The following LCORL variants were observed in gnomAD, a reference collection of about 807,000 sequenced individuals.
LCORL encodes ligand dependent nuclear receptor corepressor like, also known as ligand-dependent nuclear receptor corepressor-like protein.
In LCORL, 41 loss-of-function variants were observed where a neutral mutation model predicts 141.8. The observed-to-expected ratio is 0.29, with a 90% CI of 0.23 to 0.38. The LOEUF is 0.38. Among genes scored for constraint, LCORL ranks in the 10% least tolerant of loss-of-function variants. The pLI is 1.00. For missense variants in LCORL, 1,759 were observed against 2,035.0 expected (o/e 0.86, Z 2.61); for synonymous variants, 618 against 694.1 (o/e 0.89, Z 1.72).
intron 7 of LCORL, among the ~76,000 whole-genome samples, chr4:17,859,197 C>T (rs6823224): frequency 0.53 from 81,014 of 151,898 alleles, 23,285 homozygotes; most frequent in East Asian, 0.78. Context: ...TTGTGTTTAA[C>T]GGTTTTGCCT....
intron 6 of LCORL, among the ~76,000 whole-genome samples, chr4:17,880,065 T>C (rs185327302): frequency 1.1e-3 from 170 of 151,182 alleles, no homozygotes; most frequent in African/African-American, 3.8e-3. Context: ...TTTTAGAGTT[T>C]TCTTATTCAA....
chr4:18,002,658 A>G (rs1049733636), intron 1 of LCORL, among the ~76,000 whole-genome samples: 3 of 152,214 alleles, frequency 2.0e-5, no homozygotes, highest in African/African-American at 7.2e-5. Flanking sequence ...GATAATTTTT[A>G]TATTAAAAAT....
chr4:17,960,111 G>C (rs537968173), intron 4 of LCORL: 1 of 153,408 alleles, frequency 6.5e-6, no homozygotes, highest in South Asian at 2.0e-4. Context: ...ATTAAATCTG[G>C]AAAGTGATGA....
At chr4:17,959,765 C>T (rs1322124656) in intron 4 of LCORL, among the ~76,000 whole-genome samples, 1 of 151,922 alleles carries the variant, frequency 6.6e-6, no homozygotes, top group African/African-American at 2.4e-5. Context: ...CTAATGCCAT[C>T]CATATCCAGG....
chr4:18,010,404 G>C (rs1351013109), intron 1 of LCORL, among the ~76,000 whole-genome samples: 1 of 151,798 alleles, frequency 6.6e-6, no homozygotes, highest in Non-Finnish European at 1.5e-5. Flanking sequence ...GTGTCTGTGT[G>C]TGTGTGTGTA....
chr4:17,912,701 G>A (rs1458028681), intron 4 of LCORL: 8 of 393,910 alleles, frequency 2.0e-5, no homozygotes, highest in Non-Finnish European at 2.9e-5. Context: ...CCTGCAGATG[G>A]AGTAGCTCAA....
At chr4:18,010,843 G>C (rs1349082405) in intron 1 of LCORL, among the ~76,000 whole-genome samples, 1 of 152,074 alleles carries the variant, frequency 6.6e-6, no homozygotes, top group Non-Finnish European at 1.5e-5. Context: ...CTTACCCCCA[G>C]ATACAACCCT....
chr4:17,881,410 A>T, intron 6 of LCORL: 1 of 959,670 alleles, frequency 1.0e-6, no homozygotes, highest in Non-Finnish European at 1.2e-6. Flanking sequence ...TAACTCAATA[A>T]TAGAAATGTT....
exon 7 of LCORL, chr4:17,877,604 T>G: frequency 8.1e-7 from 1 of 1,230,756 alleles, no homozygotes; most frequent in South Asian, 4.1e-5. Flanking sequence ...TTTCTAAGGC[T>G]GAAATCTCTG....
At chr4:17,960,911 G>A (rs1385037880) in intron 4 of LCORL, among the ~76,000 whole-genome samples, 2 of 90,698 alleles carry the variant, frequency 2.2e-5, no homozygotes, top group African/African-American at 1.5e-4. Context: ...ATTATATTAA[G>A]ACTCTTCTAA....
intron 5 of LCORL, among the ~76,000 whole-genome samples, chr4:17,905,228 T>C (rs1406782925): frequency 3.3e-5 from 5 of 152,160 alleles, no homozygotes; most frequent in Middle Eastern, 3.2e-3. Flanking sequence ...TAGGTTATAA[T>C]GTCTTTGGTA....
In LCORL at chr4:17,884,099, G is replaced by C; in HGVS notation, c.776+1969C>G. ...AGAGAGGTCCCCATGTAGAAAGTAA[G>C]AGTCAACACTTGAGTGAGTTACAGG... On this transcript the variant is annotated intron_variant, in intron 6 of 7. Transcript: ENST00000635767. The surrounding 1 kb of genome is among the most constrained non-coding windows in gnomAD (Gnocchi z 4.4). The C allele has an allele frequency of 6.4e-7, 1 of 1,550,704 alleles. No homozygotes were observed. Among genetic ancestry groups the C allele is most frequent in the African/African-American group, 1.4e-5 (1 of 73,066 alleles).
chr4:17,957,916 T>C (rs919438407), intron 4 of LCORL, among the ~76,000 whole-genome samples: 3 of 151,912 alleles, frequency 2.0e-5, no homozygotes, highest in Non-Finnish European at 4.4e-5. Flanking sequence ...TCATGTTAAA[T>C]TTACATAGTC....
intron 1 of LCORL, among the ~76,000 whole-genome samples, chr4:18,006,723 G>A (rs898985178): frequency 5.3e-5 from 8 of 152,018 alleles, no homozygotes; most frequent in South Asian, 2.1e-4. Context: ...CAAGAACAGC[G>A]CAGGAAAGAC....
chr4:17,896,683 G>C (rs1201138637), intron 5 of LCORL, among the ~76,000 whole-genome samples: 1 of 152,152 alleles, frequency 6.6e-6, no homozygotes, highest in Admixed American at 6.5e-5. Flanking sequence ...CATCAGGGTA[G>C]ACGGGGCATC....
intron 5 of LCORL, among the ~76,000 whole-genome samples, chr4:17,886,676 A>C (rs1728313562): frequency 6.6e-6 from 1 of 152,056 alleles, no homozygotes; most frequent in African/African-American, 2.4e-5. Context: ...GTAAAATTTT[A>C]CTCTTTTAAA....
intron 4 of LCORL, among the ~76,000 whole-genome samples, chr4:17,950,549 T>A (rs1319691521): frequency 6.6e-6 from 1 of 152,162 alleles, no homozygotes; most frequent in Non-Finnish European, 1.5e-5. Flanking sequence ...CAATCAGGCT[T>A]GGAGGAAAAT....
chr4:17,917,529 G>A (rs111410511), intron 4 of LCORL, among the ~76,000 whole-genome samples: 11,290 of 152,262 alleles, frequency 0.074, 948 homozygotes, highest in African/African-American at 0.21. Flanking sequence ...GCAGCTTAAT[G>A]CAGACTGTTA....
chr4:17,896,889 G>T, intron 5 of LCORL, among the ~76,000 whole-genome samples: 1 of 150,200 alleles, frequency 6.7e-6, no homozygotes, highest in Admixed American at 6.7e-5. Context: ...ATCCTTCTCA[G>T]CCTCTGGTAA....
Sources: allele counts gnomAD v4.1 joint callset (sites outside exome capture counted in the v4.1 genomes callset), GRCh38; gene constraint gnomAD v4.1.1; non-coding constraint Gnocchi (gnomAD v3.1); transcripts MANE v1.5; gene names NCBI Gene and HGNC (gene_info 2026-07-23, HGNC 2026-07-21).